The following MSI2 variants were observed in gnomAD, a reference collection of about 807,000 sequenced individuals.
MSI2 encodes musashi RNA binding protein 2.
A neutral mutation model predicts 45.6 loss-of-function variants in MSI2; 17 were observed. The ratio of observed to expected loss-of-function variants is 0.37; its 90% confidence interval spans 0.26 to 0.56. The LOEUF (loss-of-function observed/expected upper bound fraction) is 0.56. Ranked by LOEUF, MSI2 falls within the 20% of genes least tolerant of loss-of-function variation. The probability of loss-of-function intolerance (pLI) is 0.77; values close to 1 mark genes in which losing one functional copy is unlikely to be tolerated. For missense variants in MSI2, 293 were observed against 444.2 expected, an observed-to-expected ratio of 0.66 and a Z score of 3.06; for synonymous variants, 156 against 158.2, an observed-to-expected ratio of 0.99 and a Z score of 0.11.
chr17:57,290,385 C>T (rs1016914369), intron 5 of MSI2, among the ~76,000 whole-genome samples: 1 of 152,350 alleles, frequency 6.6e-6, no homozygotes. Flanking sequence ...TCATAACTCA[C>T]TGTACCCTCC....
intron 6 of MSI2, among the ~76,000 whole-genome samples, chr17:57,480,827 A>G (rs1482568037): frequency 6.6e-6 from 1 of 152,192 alleles, no homozygotes; most frequent in African/African-American, 2.4e-5. Flanking sequence ...TCACAGAACC[A>G]TGGTTCCTTG....
At chr17:57,534,314 G>A (rs1303345900) in intron 7 of MSI2, among the ~76,000 whole-genome samples, 1 of 152,220 alleles carries the variant, frequency 6.6e-6, no homozygotes, top group African/African-American at 2.4e-5. Flanking sequence ...CTTCTTGCTG[G>A]ATGACCGTGC....
At chr17:57,285,630 T>C (rs768161966) in intron 5 of MSI2, among the ~76,000 whole-genome samples, 1 of 152,216 alleles carries the variant, frequency 6.6e-6, no homozygotes, top group East Asian at 1.9e-4. Flanking sequence ...CCCACAGTCA[T>C]GCCTGGGAAG....
intron 5 of MSI2, among the ~76,000 whole-genome samples, chr17:57,327,357 A>G (rs995347818): frequency 2.0e-5 from 3 of 152,228 alleles, no homozygotes; most frequent in Admixed American, 6.5e-5. Flanking sequence ...GCCAGTGTAC[A>G]TCGCAGGGAC....
chr17:57,471,985 T>TGAG (rs10640936), intron 6 of MSI2, among the ~76,000 whole-genome samples: 117,838 of 151,790 alleles, frequency 0.78, 46,186 homozygotes, highest in East Asian at 0.91. Flanking sequence ...CTCTAGATTT[T>TGAG]GAGGAGCAGA....
chr17:57,631,451 A>C (rs3853828), intron 10 of MSI2: 54,687 of 269,518 alleles, frequency 0.2, 6,274 homozygotes, highest in East Asian at 0.38. Flanking sequence ...GGCTGCACGG[A>C]CCTTCCTGGG....
At chr17:57,262,869 C>T (rs1322566026) in intron 5 of MSI2, among the ~76,000 whole-genome samples, 2 of 152,194 alleles carry the variant, frequency 1.3e-5, no homozygotes, top group Non-Finnish European at 2.9e-5. Context: ...ATAGTTTTCA[C>T]TGAGCTTGCC....
At chr17:57,400,974 G>A (rs1037309754) in intron 5 of MSI2, among the ~76,000 whole-genome samples, 2 of 152,166 alleles carry the variant, frequency 1.3e-5, no homozygotes, top group African/African-American at 4.8e-5. Flanking sequence ...CTTTTGAATC[G>A]TGTGCATTTC....
intron 5 of MSI2, among the ~76,000 whole-genome samples, chr17:57,332,953 A>G (rs1391821635): frequency 6.6e-6 from 1 of 152,114 alleles, no homozygotes; most frequent in African/African-American, 2.4e-5. Flanking sequence ...TGAACCTGGA[A>G]GGCAGAGGTT....
In MSI2 at chr17:57,256,784, C is replaced by A. The variant is rs1295872811; in HGVS notation, c.42C>A (p.Asn14Lys). ...GCCAAGGCACCTCGGGCAGCGCCAA[C>A]GACTCCCAGCACGACCCCGGGTAAG... is the stretch of plus-strand genomic sequence containing the variant. Reference protein sequence around the residue: ...NGSQGTSGSANDSQHDPGKMF... With the variant: ...NGSQGTSGSAKDSQHDPGKMF... Residue 14 changes from asparagine to lysine, a missense_variant, in exon 1 of 14, where the codon AAC (asparagine) becomes AAA (lysine). Asn to Lys is a moderately conservative substitution (Grantham distance 94). Transcript: ENST00000284073. The A allele has an allele frequency of 1.4e-6, 2 of 1,479,042 alleles. No individual in the cohort carries two copies. The highest frequency in any genetic ancestry group is 2.7e-5 in the East Asian group (1 of 36,424). The allele number at this position is 1,479,042 out of a possible 1,614,324, so 91.6% of individuals were successfully genotyped here.
At chr17:57,614,725 G>A (rs552727108) in intron 8 of MSI2, among the ~76,000 whole-genome samples, 30 of 152,292 alleles carry the variant, frequency 2.0e-4, no homozygotes, top group African/African-American at 7.0e-4. Context: ...TAAACAAAAA[G>A]CAAATAAGTG....
chr17:57,389,145 AT>A (rs5821177), intron 5 of MSI2, among the ~76,000 whole-genome samples: 77,884 of 150,768 alleles, frequency 0.52, 23,120 homozygotes, highest in South Asian at 0.69. Flanking sequence ...CACCCAACCA[AT>A]TTTTGAATTT....
At chr17:57,583,100 A>G (rs1431127565) in intron 7 of MSI2, among the ~76,000 whole-genome samples, 1 of 152,166 alleles carries the variant, frequency 6.6e-6, no homozygotes, top group Non-Finnish European at 1.5e-5. Context: ...AAGGGTATGG[A>G]AAGGGTTGGC....
intron 11 of MSI2, among the ~76,000 whole-genome samples, chr17:57,670,209 C>A (rs976466731): frequency 6.6e-5 from 10 of 152,234 alleles, no homozygotes; most frequent in African/African-American, 2.4e-4. Flanking sequence ...CACTTAGGGA[C>A]AACACAGAAA....
chr17:57,678,598 G>A (rs1274969615), intron 13 of MSI2, among the ~76,000 whole-genome samples: 1 of 150,046 alleles, frequency 6.7e-6, no homozygotes, highest in African/African-American at 2.4e-5. Flanking sequence ...TCCCCTGGAA[G>A]AGAAGGAGTG....
intron 11 of MSI2, among the ~76,000 whole-genome samples, chr17:57,667,515 G>C (rs539057878): frequency 1.3e-5 from 2 of 152,298 alleles, no homozygotes; most frequent in African/African-American, 4.8e-5. Context: ...GCCAATGCCA[G>C]GCAGGAGTGA....
At chr17:57,293,970 T>C (rs1004113455) in intron 5 of MSI2, among the ~76,000 whole-genome samples, 5 of 151,514 alleles carry the variant, frequency 3.3e-5, no homozygotes, top group African/African-American at 9.7e-5. Flanking sequence ...AGGCAATGCA[T>C]GTTCACTTTT....
At chr17:57,278,960 G>A (rs1253772529) in intron 5 of MSI2, 2 of 152,204 alleles carry the variant, frequency 1.3e-5, no homozygotes, top group Non-Finnish European at 2.9e-5. Context: ...AGCTGTGGAC[G>A]CCAGTACTTG....
chr17:57,633,803 T>C (rs1236489342), intron 10 of MSI2, among the ~76,000 whole-genome samples: 1 of 152,204 alleles, frequency 6.6e-6, no homozygotes, highest in African/African-American at 2.4e-5. Flanking sequence ...TGTAAGTTGG[T>C]AAATGCTATA....
Sources: allele counts gnomAD v4.1 joint callset (sites outside exome capture counted in the v4.1 genomes callset), GRCh38; gene constraint gnomAD v4.1.1; transcripts MANE v1.5; gene names NCBI Gene and HGNC (gene_info 2026-07-23, HGNC 2026-07-21).